CDH12: variants seen among roughly 807,000 people sequenced by gnomAD.
CDH12 encodes the protein cadherin 12.
A neutral mutation model predicts 74.1 loss-of-function variants in CDH12; 41 were observed. The ratio of observed to expected loss-of-function variants is 0.55; its 90% CI spans 0.43 to 0.72. CDH12 has a LOEUF of 0.72. Ranked by LOEUF, CDH12 falls within the 30% of genes least tolerant of loss-of-function variation. CDH12 has a pLI of 0.00. For synonymous variants in CDH12, 399 were observed against 355.0 expected (o/e 1.12, Z -1.39); for missense variants, 945 against 977.2 (o/e 0.97, Z 0.44).
At chr5:21,777,636 G>T (rs147284703) in intron 11 of CDH12, among the ~76,000 whole-genome samples, 2,276 of 151,104 alleles carry the variant, frequency 0.015, 62 homozygotes, top group African/African-American at 0.05. Context: ...GATTATAGGC[G>T]CCCGCCACAA....
chr5:22,187,333 G>A (rs1750015687), intron 4 of CDH12, among the ~76,000 whole-genome samples: 1 of 152,168 alleles, frequency 6.6e-6, no homozygotes, highest in African/African-American at 2.4e-5. Context: ...TCCCCAAGGT[G>A]GAAAAGGCTG....
Position 21,864,192 on chromosome 5 carries a change from T to G in CDH12, c.527-9402A>C, listed in dbSNP as rs182413905. ...AAAGGAATGGAATACTATAAGACATTGAAACAAGGGTGTGCTAGCTAATTT... is the reference window on the plus strand; with the variant it reads ...AAAGGAATGGAATACTATAAGACATGGAAACAAGGGTGTGCTAGCTAATTT... On this transcript the variant is annotated intron_variant, in intron 6 of 14. Coordinates refer to ENST00000382254, the MANE Select transcript of CDH12 (RefSeq NM_004061.5). 1.6e-4 allele frequency among the ~76,000 whole-genome samples: 24 copies of G among 151,866 alleles called. No individual in the cohort carries two copies. The East Asian group carries it at 2.1e-3, about 13-fold the overall frequency.
intron 1 of CDH12, among the ~76,000 whole-genome samples, chr5:22,604,867 C>T (rs776406109): frequency 2.0e-5 from 3 of 152,192 alleles, no homozygotes; most frequent in Non-Finnish European, 4.4e-5. Flanking sequence ...TAATGAAATA[C>T]TCCCACATCC....
At chr5:22,823,848 C>A (rs1210357040) in intron 1 of CDH12, among the ~76,000 whole-genome samples, 1 of 152,162 alleles carries the variant, frequency 6.6e-6, no homozygotes, top group East Asian at 1.9e-4. Flanking sequence ...TTTTCTGATG[C>A]TTCCCCAGCC....
At chr5:22,081,800 G>A (rs1742746761) in intron 4 of CDH12, among the ~76,000 whole-genome samples, 1 of 152,128 alleles carries the variant, frequency 6.6e-6, no homozygotes, top group African/African-American at 2.4e-5. Context: ...CTGAGCTGTG[G>A]CTCCCTACCA....
intron 1 of CDH12, among the ~76,000 whole-genome samples, chr5:22,564,534 C>T (rs1739204152): frequency 6.6e-6 from 1 of 152,066 alleles, no homozygotes; most frequent in Admixed American, 6.6e-5. Flanking sequence ...TGCATTTCCT[C>T]TTTTTGTGTG....
At chr5:22,207,240 AAG>A (rs1314804184) in intron 4 of CDH12, among the ~76,000 whole-genome samples, 2 of 151,874 alleles carry the variant, frequency 1.3e-5, no homozygotes, top group African/African-American at 4.8e-5. Flanking sequence ...AGAAAAAAAA[AAG>A]AAAAAAAAAT....
intron 3 of CDH12, among the ~76,000 whole-genome samples, chr5:22,224,689 T>C (rs886356647): frequency 6.6e-6 from 1 of 152,048 alleles, no homozygotes; most frequent in African/African-American, 2.4e-5. Flanking sequence ...CTCTGAACTA[T>C]AGCAGTACTG....
chr5:22,240,926 G>C (rs975146638), intron 3 of CDH12, among the ~76,000 whole-genome samples: 1 of 152,076 alleles, frequency 6.6e-6, no homozygotes, highest in Non-Finnish European at 1.5e-5. Context: ...GAAGACAGAG[G>C]AGAAAAGTAA....
At chr5:22,139,963 T>C (rs1026157465) in intron 4 of CDH12, among the ~76,000 whole-genome samples, 3 of 152,044 alleles carry the variant, frequency 2.0e-5, no homozygotes, top group Non-Finnish European at 4.4e-5. Context: ...AGAACTACTT[T>C]AGTTTAGCTT....
intron 6 of CDH12, among the ~76,000 whole-genome samples, chr5:21,954,351 A>T (rs1363436649): frequency 6.6e-6 from 1 of 151,554 alleles, no homozygotes; most frequent in Non-Finnish European, 1.5e-5. Context: ...ATTTCCTCAT[A>T]TTCTACCTCT....
intron 1 of CDH12, among the ~76,000 whole-genome samples, chr5:22,539,452 T>C (rs1017202051): frequency 7.9e-5 from 12 of 152,204 alleles, no homozygotes; most frequent in African/African-American, 2.9e-4. Context: ...AGTTAATAAA[T>C]GAATGGGTGA....
At chr5:22,111,746 C>T (rs1744828486) in intron 4 of CDH12, among the ~76,000 whole-genome samples, 1 of 152,090 alleles carries the variant, frequency 6.6e-6, no homozygotes, top group African/African-American at 2.4e-5. Flanking sequence ...CAAAAGATGG[C>T]CTACCTTTGG....
chr5:22,117,817 G>A (rs1561129721), intron 4 of CDH12, among the ~76,000 whole-genome samples: 1 of 150,288 alleles, frequency 6.7e-6, no homozygotes, highest in East Asian at 2.0e-4. Flanking sequence ...TATCCTATGT[G>A]AAAAAAATGT....
At chr5:21,981,046 CTG>C (rs1757282228) in intron 5 of CDH12, among the ~76,000 whole-genome samples, 1 of 152,010 alleles carries the variant, frequency 6.6e-6, no homozygotes, top group Non-Finnish European at 1.5e-5. Context: ...TTCATTCTTT[CTG>C]TTTCAGTTCT....
At chr5:22,423,966 G>A (rs1340947091) in intron 2 of CDH12, among the ~76,000 whole-genome samples, 7 of 120,310 alleles carry the variant, frequency 5.8e-5, no homozygotes, top group Middle Eastern at 0.014. Context: ...TCCCGCCACT[G>A]CACTCCAGCC....
chr5:22,453,997 T>C (rs1250154206), intron 2 of CDH12, among the ~76,000 whole-genome samples: 1 of 152,156 alleles, frequency 6.6e-6, no homozygotes, highest in Non-Finnish European at 1.5e-5. Context: ...ATTTTGAATA[T>C]GAGATATAAT....
intron 3 of CDH12, among the ~76,000 whole-genome samples, chr5:22,233,179 G>C (rs1243049694): frequency 6.6e-6 from 1 of 151,552 alleles, no homozygotes; most frequent in African/African-American, 2.4e-5. Context: ...ATTCATAAAC[G>C]TAATTCTGCT....
At chr5:22,491,210 G>A (rs954375880) in intron 2 of CDH12, among the ~76,000 whole-genome samples, 36 of 152,156 alleles carry the variant, frequency 2.4e-4, no homozygotes, top group African/African-American at 7.7e-4. Flanking sequence ...ATGTGTACCC[G>A]ATGTTTAGTT....
Sources: gnomAD v4.1 joint callset for allele counts (sites outside exome capture counted in the v4.1 genomes callset) on GRCh38, gnomAD v4.1.1 for gene constraint, MANE v1.5 for transcripts, NCBI Gene and HGNC (gene_info 2026-07-23, HGNC 2026-07-21) for gene names.